SPATA22: variants seen among roughly 807,000 people sequenced by gnomAD.
SPATA22 encodes spermatogenesis associated 22.
In SPATA22, 29 loss-of-function variants were observed where a neutral mutation model predicts 47.8. That is an observed-to-expected ratio of 0.61 (90% CI 0.45 to 0.83). The LOEUF is 0.83. Among genes scored for constraint, SPATA22 ranks in the 40% least tolerant of loss-of-function variants. SPATA22 has a pLI of 0.00. For synonymous variants in SPATA22, 133 were observed against 140.9 expected (o/e 0.94, Z 0.40); for missense variants, 410 against 421.7 (o/e 0.97, Z 0.24).
At chr17:3,504,531 A>G (rs1164858024) in intron 1 of SPATA22, among the ~76,000 whole-genome samples, 1 of 147,380 alleles carries the variant, frequency 6.8e-6, no homozygotes, top group Admixed American at 7.0e-5. Context: ...ATCCATGGGA[A>G]AAAAAAAAGG....
intron 3 of SPATA22, among the ~76,000 whole-genome samples, chr17:3,465,488 C>T (rs1227976706): frequency 6.6e-6 from 1 of 152,092 alleles, no homozygotes; most frequent in East Asian, 1.9e-4. Flanking sequence ...CCCCCCAACC[C>T]TGTGCTCTCT....
At chr17:3,459,093 CG>C (rs1232328095) in intron 5 of SPATA22, among the ~76,000 whole-genome samples, 1 of 138,050 alleles carries the variant, frequency 7.2e-6, no homozygotes, top group Non-Finnish European at 1.6e-5. Flanking sequence ...AGAAGCAGAG[CG>C]TAGAATAGTG....
Position 3,478,858 on chromosome 17 carries a change from C to T in SPATA22, c.-73-9460G>A, listed in dbSNP as rs147954792. ...CTGTGAAAATCACCCTAGAACCTTC[C>T]CAGTCCTTTGTCTCCCACGTCTAGT... On this transcript the variant is annotated intron_variant, in intron 1 of 8. Coordinates refer to the SPATA22 transcript ENST00000541913. Among the ~76,000 whole-genome samples the T allele has an allele frequency of 3.6e-3, 550 of 152,310 alleles. 5 individuals carry two copies. The highest frequency in any genetic ancestry group is 0.012 in the African/African-American group (502 of 41,558).
At chr17:3,445,297 T>G (rs2072703008) in intron 7 of SPATA22, among the ~76,000 whole-genome samples, 1 of 152,006 alleles carries the variant, frequency 6.6e-6, no homozygotes, top group Admixed American at 6.6e-5. Context: ...CTGAACAAAA[T>G]AAGAGCTAAG....
intron 1 of SPATA22, among the ~76,000 whole-genome samples, chr17:3,496,674 G>A (rs1202522624): frequency 2.6e-5 from 4 of 152,162 alleles, no homozygotes; most frequent in African/African-American, 4.8e-5. Context: ...CTGGAATCAC[G>A]TAGGGGACCC....
Position 3,498,977 on chromosome 17 carries a change from C to G in SPATA22, c.-74+14435G>C, listed in dbSNP as rs78677072. The stretch of plus-strand genomic sequence containing the variant: ...CGATCCCACTGGGCGGAGACTGTAC[C>G]GTGTACCCCGTGTTTGTGAATGAGG... On this transcript the variant is annotated intron_variant, in intron 1 of 8. Coordinates refer to the SPATA22 transcript ENST00000541913. 2 of 1,613,980 alleles carry G rather than the reference C, an allele frequency of 1.2e-6. No individual in the cohort carries two copies. Among genetic ancestry groups the G allele is most frequent in the African/African-American group, 1.3e-5 (1 of 74,902 alleles).
At chr17:3,465,184 G>A (rs1342757829) in intron 3 of SPATA22, among the ~76,000 whole-genome samples, 13 of 139,006 alleles carry the variant, frequency 9.4e-5, no homozygotes, top group Middle Eastern at 4.2e-3. Flanking sequence ...CCGGCCAGCC[G>A]CCTCGTCCAG....
intron 3 of SPATA22, among the ~76,000 whole-genome samples, chr17:3,466,064 T>C (rs1224412250): frequency 6.6e-6 from 1 of 151,752 alleles, no homozygotes; most frequent in Non-Finnish European, 1.5e-5. Context: ...TACACAAAAA[T>C]TGGAAATATA....
intron 1 of SPATA22, among the ~76,000 whole-genome samples, chr17:3,483,285 G>GTA (rs1387880358): frequency 1.3e-5 from 2 of 152,062 alleles, no homozygotes; most frequent in Non-Finnish European, 2.9e-5. Context: ...GAAAGACACT[G>GTA]TATAATTCAA....
intron 1 of SPATA22, among the ~76,000 whole-genome samples, chr17:3,483,796 G>A (rs2073675046): frequency 6.6e-6 from 1 of 152,040 alleles, no homozygotes; most frequent in Non-Finnish European, 1.5e-5. Flanking sequence ...CCTAGTAGCT[G>A]GGATTACAGG....
intron 1 of SPATA22, 104 bp downstream of exon 1, chr17:3,471,578 C>G: frequency 1.0e-6 from 1 of 985,508 alleles, no homozygotes; most frequent in South Asian, 4.7e-5. Context: ...GTTTTGGCTC[C>G]TGACCGCGGT....
chr17:3,483,402 G>C, intron 1 of SPATA22: 1 of 1,012,810 alleles, frequency 9.9e-7, no homozygotes, highest in Non-Finnish European at 1.6e-6. Flanking sequence ...CTTAGTTGAT[G>C]AAGTAAAACG....
intron 7 of SPATA22, among the ~76,000 whole-genome samples, chr17:3,445,648 A>C (rs1279156445): frequency 6.6e-6 from 1 of 152,154 alleles, no homozygotes; most frequent in Non-Finnish European, 1.5e-5. Flanking sequence ...CTTTACTCAA[A>C]GTCTGAGTCT....
intron 1 of SPATA22, chr17:3,501,118 C>A (rs1452611560): frequency 6.6e-6 from 1 of 151,614 alleles, no homozygotes; most frequent in African/African-American, 2.4e-5. Flanking sequence ...TCAAATCTAA[C>A]TATTTAAGAA....
chr17:3,505,625 T>C (rs1245853636), intron 1 of SPATA22, among the ~76,000 whole-genome samples: 1 of 152,186 alleles, frequency 6.6e-6, no homozygotes, highest in South Asian at 2.1e-4. Context: ...GAGAGAGGCC[T>C]ATACGGGTCA....
At chr17:3,511,296 C>G (rs2074110179) in intron 1 of SPATA22, 1 of 152,098 alleles carries the variant, frequency 6.6e-6, no homozygotes, top group Non-Finnish European at 1.5e-5. Context: ...GTCCTGCCCC[C>G]CAATATAAGC....
At chr17:3,493,983 G>A (rs980230271) in intron 1 of SPATA22, among the ~76,000 whole-genome samples, 2 of 151,318 alleles carry the variant, frequency 1.3e-5, no homozygotes, top group African/African-American at 4.9e-5. Flanking sequence ...TTTTGTTATT[G>A]TTGCTGTTGT....
intron 7 of SPATA22, among the ~76,000 whole-genome samples, chr17:3,444,658 C>G (rs73977721): frequency 0.014 from 2,095 of 152,088 alleles, 45 homozygotes; most frequent in African/African-American, 0.046. Context: ...TGCCTGAAGT[C>G]AGAAACCTAG....
intron 3 of SPATA22, among the ~76,000 whole-genome samples, chr17:3,465,929 A>G (rs2073301111): frequency 6.6e-6 from 1 of 152,134 alleles, no homozygotes; most frequent in East Asian, 1.9e-4. Flanking sequence ...GAGTAGCTCA[A>G]TTTTTCAAGG....
Sources: gnomAD v4.1 joint callset for allele counts (sites outside exome capture counted in the v4.1 genomes callset) on GRCh38, gnomAD v4.1.1 for gene constraint, MANE v1.5 for transcripts, NCBI Gene and HGNC (gene_info 2026-07-23, HGNC 2026-07-21) for gene names.